YPEL2: variants seen among roughly 807,000 people sequenced by gnomAD.
YPEL2 encodes the protein protein yippee-like 2.
A neutral mutation model predicts 19.1 loss-of-function variants in YPEL2; 2 were observed. The observed-to-expected ratio is 0.10, with a 90% CI of 0.04 to 0.33. The LOEUF is 0.33. YPEL2 is among the 10% of genes least tolerant of loss of function. YPEL2 has a pLI of 1.00. For missense variants in YPEL2, 66 were observed against 140.7 expected (o/e 0.47, Z 2.68); for synonymous variants, 52 against 50.0 (o/e 1.04, Z -0.17).
At chr17:59,349,173 CAAAA>C (rs57129006) in intron 1 of YPEL2, among the ~76,000 whole-genome samples, 4,641 of 57,210 alleles carry the variant, frequency 0.081, 58 homozygotes, top group South Asian at 0.18. Flanking sequence ...GACTCCGTCT[CAAAA>C]AAAAAAAAAA....
At chr17:59,345,365 A>ATG (rs2047750843) in intron 1 of YPEL2, 1 of 152,152 alleles carries the variant, frequency 6.6e-6, no homozygotes, top group African/African-American at 2.4e-5. Context: ...AGCTGGATGG[A>ATG]TGTGAAGTCC....
At chr17:59,390,930 T>G (rs531240858) in intron 4 of YPEL2, among the ~76,000 whole-genome samples, 1 of 152,340 alleles carries the variant, frequency 6.6e-6, no homozygotes, top group South Asian at 2.1e-4. Context: ...GTTTGAGTGT[T>G]AAATAGGATC....
intron 4 of YPEL2, among the ~76,000 whole-genome samples, chr17:59,394,313 A>G (rs557299033): frequency 2.8e-5 from 4 of 142,566 alleles, no homozygotes; most frequent in East Asian, 4.4e-4. Flanking sequence ...CCGGGCAGAG[A>G]CGGCTCCTCA....
intron 1 of YPEL2, among the ~76,000 whole-genome samples, chr17:59,344,686 A>G (rs2047747456): frequency 6.6e-6 from 1 of 152,162 alleles, no homozygotes; most frequent in African/African-American, 2.4e-5. Context: ...TGAACCTGGA[A>G]GGCAGCGGTT....
chr17:59,349,141 T>C (rs1426765696), intron 1 of YPEL2, among the ~76,000 whole-genome samples: 2 of 119,644 alleles, frequency 1.7e-5, no homozygotes, highest in Non-Finnish European at 3.2e-5. Context: ...GCCACTGCAC[T>C]CCAGCCTGGG....
At chr17:59,334,849 T>A (rs774533093) in intron 1 of YPEL2, among the ~76,000 whole-genome samples, 1 of 152,134 alleles carries the variant, frequency 6.6e-6, no homozygotes, top group Non-Finnish European at 1.5e-5. Context: ...ATTCAGAATG[T>A]TTAGTTTTGA....
Position 59,397,089 on chromosome 17 carries a change from T to C in YPEL2, c.271-12T>C. 5 of 1,598,102 alleles carry C rather than the reference T, an allele frequency of 3.1e-6. No individual in the cohort carries two copies. The highest frequency in any genetic ancestry group is 4.3e-6 in the Non-Finnish European group (5 of 1,172,520). Reference sequence around the variant, plus strand: ...TCGTTCAGTATCTCTTCTCTGCTTCTGTATTTCCTAGGAACATGCTTTTGA... The same window carrying C: ...TCGTTCAGTATCTCTTCTCTGCTTCCGTATTTCCTAGGAACATGCTTTTGA... On this transcript the variant is annotated splice_polypyrimidine_tract_variant and intron_variant, in intron 4 of 4. Transcript: ENST00000312655.
At chr17:59,384,143 C>T (rs993234579) in intron 2 of YPEL2, among the ~76,000 whole-genome samples, 2 of 152,148 alleles carry the variant, frequency 1.3e-5, no homozygotes, top group African/African-American at 2.4e-5. Flanking sequence ...AAAATTTAAC[C>T]ATTCTAATGT....
intron 2 of YPEL2, among the ~76,000 whole-genome samples, chr17:59,379,759 G>C (rs1283441499): frequency 1.3e-5 from 2 of 152,146 alleles, no homozygotes; most frequent in East Asian, 3.9e-4. Flanking sequence ...CTTTTGTAAT[G>C]TGAATTATAT....
intron 1 of YPEL2, among the ~76,000 whole-genome samples, chr17:59,338,447 A>G (rs1389240689): frequency 6.6e-6 from 1 of 152,236 alleles, no homozygotes; most frequent in Non-Finnish European, 1.5e-5. Context: ...CCTGAGGCAA[A>G]TAAGTGTAGG....
chr17:59,397,132 A>G lies in YPEL2; in HGVS notation c.302A>G (p.Lys101Arg). ...GCTTTTGAAAGCAGCCAGAAATATA[A>G]AGAAGGCAAATACATCATTGAACTA... The part of the protein sequence containing the change: ...EHAFESSQKY[K>R]EGKYIIELAH... The change falls in exon 5 of 5, where the codon AAA (lysine) becomes AGA (arginine). Residue 101 changes from lysine (K) to arginine (R), a missense_variant. Physicochemically the swap from Lys to Arg is conservative, Grantham distance 26. Coordinates refer to ENST00000312655, the MANE Select transcript of YPEL2 (RefSeq NM_001005404.4). 1 of 1,612,858 alleles carries G rather than the reference A, an allele frequency of 6.2e-7. No individual in the cohort carries two copies. Among genetic ancestry groups the G allele is most frequent in the Non-Finnish European group, 8.5e-7 (1 of 1,179,434 alleles).
chr17:59,382,395 A>G (rs1156382208), intron 2 of YPEL2, among the ~76,000 whole-genome samples: 5 of 152,198 alleles, frequency 3.3e-5, no homozygotes, highest in Non-Finnish European at 7.3e-5. Context: ...GCCTCTCTCT[A>G]GGAATTCTAA....
At chr17:59,390,410 G>A (rs2048001865) in intron 4 of YPEL2, among the ~76,000 whole-genome samples, 1 of 152,174 alleles carries the variant, frequency 6.6e-6, no homozygotes, top group African/African-American at 2.4e-5. Context: ...CCAAAGTGCT[G>A]GGATTATAGG....
chr17:59,388,237 AAG>A, intron 2 of YPEL2, 88 bp from the exon 3 acceptor site: 2 of 1,261,956 alleles, frequency 1.6e-6, no homozygotes, highest in Admixed American at 3.4e-5. Flanking sequence ...TCAGTCCTGG[AAG>A]GTCATGCTTA....
At position 59,399,337 on chromosome 17, in the gene YPEL2, A is replaced by G. The variant is rs778724408; in HGVS notation, c.*2147A>G. ...TGGCTGTTTATTGATAGTCCTTCCC[A>G]TAAGAAAATGGGGTTAAACATGGGG... On this transcript the variant is annotated 3_prime_UTR_variant, in exon 5 of 5. Coordinates refer to ENST00000312655, the MANE Select transcript of YPEL2 (RefSeq NM_001005404.4). The G allele has an allele frequency of 2.0e-5, 3 of 150,978 alleles. No homozygotes were observed. The highest frequency in any genetic ancestry group is 1.5e-5 in the Non-Finnish European group (1 of 67,238). 9.4% of individuals were successfully genotyped at this position (150,978 alleles called of 1,614,324 possible). A position where few individuals can be genotyped will look rare whatever the true frequency, so the allele number is the denominator to read the frequency against.
intron 2 of YPEL2, among the ~76,000 whole-genome samples, chr17:59,371,799 T>C (rs1033574320): frequency 6.6e-6 from 1 of 152,206 alleles, no homozygotes; most frequent in East Asian, 1.9e-4. Flanking sequence ...ACAAATGAGA[T>C]TACTGCCTGG....
At chr17:59,346,171 T>G (rs2047755253) in intron 1 of YPEL2, among the ~76,000 whole-genome samples, 2 of 152,288 alleles carry the variant, frequency 1.3e-5, no homozygotes, top group South Asian at 2.1e-4. Flanking sequence ...GTAGCTTGCC[T>G]CCTCCTTTCT....
intron 2 of YPEL2, among the ~76,000 whole-genome samples, chr17:59,369,093 C>A (rs2147947442): frequency 6.6e-6 from 1 of 152,306 alleles, no homozygotes; most frequent in East Asian, 1.9e-4. Flanking sequence ...TCTGTCTCAT[C>A]TGACACTCCT....
intron 2 of YPEL2, among the ~76,000 whole-genome samples, chr17:59,379,245 A>G (rs573631323): frequency 6.6e-6 from 1 of 152,274 alleles, no homozygotes; most frequent in Non-Finnish European, 1.5e-5. Context: ...TGCATCCCCA[A>G]GGCTGAAATC....
Sources: allele counts gnomAD v4.1 joint callset (sites outside exome capture counted in the v4.1 genomes callset), GRCh38; gene constraint gnomAD v4.1.1; transcripts MANE v1.5; gene names NCBI Gene and HGNC (gene_info 2026-07-23, HGNC 2026-07-21).